PLXDC2: variants seen among roughly 807,000 people sequenced by gnomAD.
The protein encoded by PLXDC2 is plexin domain-containing protein 2.
PLXDC2 carries 40 observed loss-of-function variants against 68.9 expected under a neutral mutation model. That is an observed-to-expected ratio of 0.58 (90% CI 0.45 to 0.76). The LOEUF (loss-of-function observed/expected upper bound fraction) is 0.76, where lower values mean the gene tolerates loss of function less well. Ranked by LOEUF, PLXDC2 falls within the 30% of genes least tolerant of loss-of-function variation. PLXDC2 has a pLI of 0.00. For synonymous variants in PLXDC2, 243 were observed against 234.2 expected (o/e 1.04, Z -0.34); for missense variants, 644 against 661.9 (o/e 0.97, Z 0.30).
intron 12 of PLXDC2, among the ~76,000 whole-genome samples, chr10:20,228,563 A>T (rs1835316109): frequency 2.0e-5 from 3 of 151,060 alleles, no homozygotes; most frequent in East Asian, 2.0e-4. Flanking sequence ...TCAAAAAAAA[A>T]TTAAAAAATA....
At chr10:20,137,157 GCA>G (rs1366569727) in intron 4 of PLXDC2, among the ~76,000 whole-genome samples, 2 of 152,186 alleles carry the variant, frequency 1.3e-5, no homozygotes, top group East Asian at 3.8e-4. Context: ...AAATCTCCTA[GCA>G]TTAGTCCAAG....
At chr10:19,976,918 A>G (rs1019813629) in intron 1 of PLXDC2, among the ~76,000 whole-genome samples, 3 of 149,414 alleles carry the variant, frequency 2.0e-5, no homozygotes, top group African/African-American at 7.4e-5. Context: ...TTTATTCCTA[A>G]TATTGAAATT....
intron 4 of PLXDC2, among the ~76,000 whole-genome samples, chr10:20,091,546 C>T (rs1203872231): frequency 6.6e-6 from 1 of 152,182 alleles, no homozygotes; most frequent in African/African-American, 2.4e-5. Flanking sequence ...TAAGATGAGG[C>T]ATGACCTTTC....
intron 1 of PLXDC2, among the ~76,000 whole-genome samples, chr10:19,947,683 TCTCC>T (rs971383578): frequency 4.7e-5 from 7 of 149,256 alleles, no homozygotes; most frequent in Non-Finnish European, 1.0e-4. Flanking sequence ...TCTTTCTCTC[TCTCC>T]TTTTTTCTTT....
chr10:20,206,269 C>T (rs1834990431), intron 9 of PLXDC2, among the ~76,000 whole-genome samples: 1 of 152,098 alleles, frequency 6.6e-6, no homozygotes, highest in African/African-American at 2.4e-5. Flanking sequence ...ATTCCAAAGC[C>T]TCACTTTTAA....
At chr10:20,209,473 A>T (rs1292182075) in intron 9 of PLXDC2, among the ~76,000 whole-genome samples, 1 of 152,100 alleles carries the variant, frequency 6.6e-6, no homozygotes, top group Non-Finnish European at 1.5e-5. Flanking sequence ...CCAACATGGC[A>T]CATGTAACAA....
chr10:20,216,101 A>T (rs1056416308), intron 10 of PLXDC2, among the ~76,000 whole-genome samples: 1 of 152,118 alleles, frequency 6.6e-6, no homozygotes, highest in Non-Finnish European at 1.5e-5. Flanking sequence ...TTGTAGAAAA[A>T]AAAACTAAAA....
At chr10:20,081,359 G>C (rs1836554173) in intron 4 of PLXDC2, among the ~76,000 whole-genome samples, 1 of 151,762 alleles carries the variant, frequency 6.6e-6, no homozygotes, top group Non-Finnish European at 1.5e-5. Context: ...TAAAGATACA[G>C]ACCTACTAAA....
intron 1 of PLXDC2, among the ~76,000 whole-genome samples, chr10:19,893,949 A>T (rs1399608022): frequency 6.6e-6 from 1 of 152,234 alleles, no homozygotes; most frequent in African/African-American, 2.4e-5. Context: ...CCATGCTAAC[A>T]GCTCAAATCC....
chr10:19,897,103 T>C (rs1305689026), intron 1 of PLXDC2, among the ~76,000 whole-genome samples: 1 of 152,208 alleles, frequency 6.6e-6, no homozygotes, highest in Non-Finnish European at 1.5e-5. Context: ...TCTTTTCTTA[T>C]CAGCAAAGCT....
chr10:20,007,035 T>C (rs549997823), intron 2 of PLXDC2, among the ~76,000 whole-genome samples: 1 of 152,356 alleles, frequency 6.6e-6, no homozygotes, highest in South Asian at 2.1e-4. Flanking sequence ...AAATAGTCAC[T>C]GCATGTGCTA....
intron 12 of PLXDC2, among the ~76,000 whole-genome samples, chr10:20,230,618 G>A (rs571854354): frequency 7.4e-6 from 1 of 135,910 alleles, no homozygotes; most frequent in Non-Finnish European, 1.5e-5. Context: ...GCTGCAGTGA[G>A]TCATGGTCAC....
At chr10:20,108,471 C>G (rs549298923) in intron 4 of PLXDC2, among the ~76,000 whole-genome samples, 1 of 152,204 alleles carries the variant, frequency 6.6e-6, no homozygotes, top group South Asian at 2.1e-4. Flanking sequence ...TGTTTCTCTA[C>G]CCTTTTCGCA....
chr10:20,192,727 C>A (rs1489883779), intron 9 of PLXDC2, among the ~76,000 whole-genome samples: 1 of 151,956 alleles, frequency 6.6e-6, no homozygotes, highest in Non-Finnish European at 1.5e-5. Flanking sequence ...TTGATGTTAA[C>A]ATTTTAGAAA....
chr10:20,270,354 T>C (rs1375155750), intron 13 of PLXDC2, among the ~76,000 whole-genome samples: 3 of 152,254 alleles, frequency 2.0e-5, no homozygotes, highest in East Asian at 3.9e-4. Context: ...AATATAGAAT[T>C]GTTAGATCCC....
intron 12 of PLXDC2, among the ~76,000 whole-genome samples, chr10:20,227,937 T>C (rs7073927): frequency 0.34 from 51,714 of 151,880 alleles, 8,856 homozygotes; most frequent in Non-Finnish European, 0.38. Flanking sequence ...ACTAATGAAG[T>C]AGAAGCTACA....
intron 1 of PLXDC2, among the ~76,000 whole-genome samples, chr10:19,968,062 G>T (rs1442523832): frequency 6.6e-6 from 1 of 152,196 alleles, no homozygotes; most frequent in Non-Finnish European, 1.5e-5. Flanking sequence ...TCAGATTTAG[G>T]CTTCATTTAT....
intron 13 of PLXDC2, among the ~76,000 whole-genome samples, chr10:20,252,950 C>T (rs576289077): frequency 6.8e-6 from 1 of 146,130 alleles, no homozygotes; most frequent in South Asian, 2.3e-4. Flanking sequence ...AAGTGGCATC[C>T]TTATTATTAT....
intron 1 of PLXDC2, among the ~76,000 whole-genome samples, chr10:19,883,246 G>A (rs1404852515): frequency 1.3e-5 from 2 of 151,932 alleles, no homozygotes; most frequent in African/African-American, 2.4e-5. Context: ...ACAGGCGTGA[G>A]CCACCCCGCC....
Sources: gnomAD v4.1 joint callset for allele counts (sites outside exome capture counted in the v4.1 genomes callset) on GRCh38, gnomAD v4.1.1 for gene constraint, MANE v1.5 for transcripts, NCBI Gene and HGNC (gene_info 2026-07-23, HGNC 2026-07-21) for gene names.